Variants in TEF observed in about 807,000 individuals in gnomAD.
TEF encodes TEF transcription factor, PAR bZIP family member.
In TEF, 3 loss-of-function variants were observed where a neutral mutation model predicts 20.8. The ratio of observed to expected loss-of-function variants is 0.14; its 90% CI spans 0.07 to 0.37. TEF has a LOEUF of 0.37. TEF is among the 10% of genes least tolerant of loss of function. TEF has a pLI of 1.00. For synonymous variants in TEF, 180 were observed against 171.1 expected (o/e 1.05, Z -0.41); for missense variants, 296 against 397.9 (o/e 0.74, Z 2.18).
rs192279692 is a variant in TEF, at chr22:41,389,397, T to C, written c.475+1729T>C. Among the ~76,000 whole-genome samples the C allele has an allele frequency of 7.1e-3, 1,066 of 150,072 alleles. 3 individuals carry two copies. Among genetic ancestry groups the C allele is most frequent in the Non-Finnish European group, 0.012 (841 of 67,668 alleles). On this transcript the variant is annotated intron_variant, in intron 2 of 3. Transcript: ENST00000266304. ...GCCTGGGCGACAGAGCAAGACTCCA[T>C]CTCAAAGAAAAAAAAAGATCGAGAC...
At position 41,398,456 on chromosome 22, in the gene TEF, TC is replaced by T. The variant is rs2037256253; in HGVS notation, c.*2498del. The stretch of plus-strand genomic sequence containing the variant: ...GATGGGCTTGGAAGTGCCGTCTACT[TC>T]CTAAGCATCCTGTCTAAAGCTTTGT... On this transcript the variant is annotated 3_prime_UTR_variant, in exon 4 of 4. Coordinates refer to ENST00000266304, the MANE Select transcript of TEF (RefSeq NM_003216.4). 1 of 153,738 alleles carries T rather than the reference TC, an allele frequency of 6.5e-6. No homozygotes were observed. The highest frequency in any genetic ancestry group is 1.5e-5 in the Non-Finnish European group (1 of 68,040). The allele number at this position is 153,738 out of a possible 1,614,324, so 9.5% of individuals were successfully genotyped here.
At chr22:41,380,190 C>T (rs562965152), upstream of TEF, among the ~76,000 whole-genome samples, 3 of 152,280 alleles carry the variant, frequency 2.0e-5, no homozygotes, top group Non-Finnish European at 2.9e-5. Context: ...CTCCCTCTGT[C>T]GCCCAGGCTT....
At position 41,396,548 on chromosome 22, in the gene TEF, A is replaced by ATGGGGCT. The variant is rs60291178; in HGVS notation, c.*596_*602dup. 0.014 allele frequency: 2,449 copies of ATGGGGCT among 173,420 alleles called. 65 individuals carry two copies. The highest frequency in any genetic ancestry group is 0.053 in the African/African-American group (2,226 of 42,386). The allele number at this position is 173,420 out of a possible 1,614,324, so 10.7% of individuals were successfully genotyped here. A position where few individuals can be genotyped will look rare whatever the true frequency, so the allele number is the denominator to read the frequency against. On this transcript the variant is annotated 3_prime_UTR_variant, in exon 4 of 4. Transcript: ENST00000266304. The stretch of plus-strand genomic sequence containing the variant: ...GAGTGGGGTCTCTGCACAGCCTGGG[A>ATGGGGCT]TGGGGCTTGGGGCTGGGGCCTGCAG...
At chr22:41,373,767 C>CTTTTTTT (rs34394084) in intron 1 of TEF, among the ~76,000 whole-genome samples, 2 of 125,610 alleles carry the variant, frequency 1.6e-5, no homozygotes, top group Non-Finnish European at 1.7e-5. Context: ...CACGCCCGGA[C>CTTTTTTT]TTTTTTTTTT....
In TEF at chr22:41,396,036, C is replaced by T. The variant is rs745306513; in HGVS notation, c.*76C>T. ...TGGGGGCTCCCTGTAACCCCTCACA[C>T]GCGTGGAGACTTATGACTCGTCGTG... On this transcript the variant is annotated 3_prime_UTR_variant, in exon 4 of 4. Coordinates refer to ENST00000266304, the MANE Select transcript of TEF (RefSeq NM_003216.4). 1.8e-5 allele frequency: 27 copies of T among 1,477,178 alleles called. No homozygotes were observed. The highest frequency in any genetic ancestry group is 9.2e-5 in the East Asian group (4 of 43,464). 91.5% of individuals were successfully genotyped at this position (1,477,178 alleles called of 1,614,324 possible).
chr22:41,367,680 G>A (rs980868828), intron 1 of TEF: 7 of 1,405,040 alleles, frequency 5.0e-6, no homozygotes, highest in African/African-American at 1.4e-5. Flanking sequence ...ACAGTGGCAG[G>A]ACAGGCATCT....
chr22:41,394,138 A>T lies in TEF; in HGVS notation c.518A>T (p.Asp173Val), dbSNP rs1220153078. The T allele has an allele frequency of 6.2e-7, 1 of 1,613,334 alleles. No individual in the cohort carries two copies. Among genetic ancestry groups the T allele is most frequent in the Non-Finnish European group, 8.5e-7 (1 of 1,179,854 alleles). Reference protein sequence around the residue: ...EKERETPSPIDPNCVEVDVNF... With the variant: ...EKERETPSPIVPNCVEVDVNF... The stretch of plus-strand genomic sequence containing the variant: ...GAGAGGGAGACTCCCAGTCCCATCG[A>T]CCCCAATTGTGTGGAAGTGGATGTG... The change falls in exon 3 of 4, where the codon GAC becomes GTC. Residue 173 changes from aspartate to valine, a missense_variant. Asp to Val is a radical substitution (Grantham distance 152). Around this residue, in one of 2 missense-constraint regions of TEF, gnomAD observed 194 missense variants for 317.8 expected, o/e 0.61. Coordinates refer to ENST00000266304, the MANE Select transcript of TEF (RefSeq NM_003216.4).
intron 2 of TEF, among the ~76,000 whole-genome samples, chr22:41,391,027 C>T (rs2037158622): frequency 6.6e-6 from 1 of 152,084 alleles, no homozygotes; most frequent in Admixed American, 6.6e-5. Context: ...AGCTGCTTGT[C>T]TTGCAGGTAC....
intron 1 of TEF, among the ~76,000 whole-genome samples, chr22:41,371,711 C>T (rs1190441674): frequency 6.6e-6 from 1 of 152,192 alleles, no homozygotes; most frequent in Admixed American, 6.5e-5. Flanking sequence ...CCCTTCTTTC[C>T]ACCTTCCTTT....
rs561724817 is a variant in TEF, at chr22:41,370,195, A to G, written c.67+2596A>G. 11 of 698,210 alleles carry G rather than the reference A, an allele frequency of 1.6e-5. No individual in the cohort carries two copies. The East Asian group carries it at 1.5e-3, about 93-fold the overall frequency. 43.3% of individuals were successfully genotyped at this position (698,210 alleles called of 1,614,324 possible). On this transcript the variant is annotated intron_variant, in intron 1 of 3. Transcript: ENST00000406644. ...AGTGGTGCTATCTCGGCTCACTGCA[A>G]CCTCTGCCTCCTGGGTTCAAGCAAT...
At chr22:41,368,207 A>C (rs1192600422) in intron 1 of TEF, among the ~76,000 whole-genome samples, 2 of 152,084 alleles carry the variant, frequency 1.3e-5, no homozygotes, top group East Asian at 3.9e-4. Context: ...GGTGTCTCCC[A>C]AGTCCTGCCT....
In TEF at chr22:41,398,394, G is replaced by A. The variant is rs2037255801; in HGVS notation, c.*2434G>A. ...GACATCTGTCAGTCACTGGAGGCTA[G>A]AGAAGTTGACTTTACCTTGGCTTTC... On this transcript the variant is annotated 3_prime_UTR_variant, in exon 4 of 4. Coordinates refer to ENST00000266304, the MANE Select transcript of TEF (RefSeq NM_003216.4). 1 of 153,762 alleles carries A rather than the reference G, an allele frequency of 6.5e-6. No homozygotes were observed. The highest frequency in any genetic ancestry group is 1.5e-5 in the Non-Finnish European group (1 of 68,066). The allele number at this position is 153,762 out of a possible 1,614,324, so 9.5% of individuals were successfully genotyped here. A position where few individuals can be genotyped will look rare whatever the true frequency, so the allele number is the denominator to read the frequency against.
chr22:41,384,195 G>C (rs1569255626), intron 1 of TEF, among the ~76,000 whole-genome samples: 1 of 152,138 alleles, frequency 6.6e-6, no homozygotes, highest in Non-Finnish European at 1.5e-5. Flanking sequence ...TATAAATCCA[G>C]AGTTCAAAAT....
chr22:41,377,215 T>C (rs550405195), upstream of TEF: 1 of 152,334 alleles, frequency 6.6e-6, no homozygotes, highest in African/African-American at 2.4e-5. Flanking sequence ...ATGTCATCCT[T>C]GCACAGGGGA....
At chr22:41,383,123 A>G (rs1408038290) in intron 1 of TEF, 1 of 448,758 alleles carries the variant, frequency 2.2e-6, no homozygotes, top group South Asian at 1.6e-5. Context: ...TCAGTTATTC[A>G]GGGTTTGGGA....
At chr22:41,370,289 A>G (rs892955127) in intron 1 of TEF, among the ~76,000 whole-genome samples, 2 of 150,416 alleles carry the variant, frequency 1.3e-5, no homozygotes, top group Admixed American at 1.3e-4. Context: ...TAATTTTTGT[A>G]TTTTTAGTAC....
rs1044683459 is a variant in TEF at position 41,397,402 on chromosome 22, G to C, written c.*1442G>C. 8 of 301,232 alleles carry C rather than the reference G, an allele frequency of 2.7e-5. No individual in the cohort carries two copies. Among genetic ancestry groups the C allele is most frequent in the Middle Eastern group, 1.9e-3 (2 of 1,064 alleles). 18.7% of individuals were successfully genotyped at this position (301,232 alleles called of 1,614,324 possible). A position where few individuals can be genotyped will look rare whatever the true frequency, so the allele number is the denominator to read the frequency against. On this transcript the variant is annotated 3_prime_UTR_variant, in exon 4 of 4. Coordinates refer to ENST00000266304, the MANE Select transcript of TEF (RefSeq NM_003216.4). ...ACTGGGACACCCCTGAGATGGGTGT[G>C]TTTATTTGCTCAGGGCGGGCAGCCT...
rs2037236687 is a variant in TEF, at chr22:41,396,958, G to A, written c.*998G>A. 2.5e-6 allele frequency: 1 copy of A among 398,598 alleles called. No individual in the cohort carries two copies. Among genetic ancestry groups the A allele is most frequent in the Non-Finnish European group, 4.4e-6 (1 of 226,194 alleles). The allele number at this position is 398,598 out of a possible 1,614,324, so 24.7% of individuals were successfully genotyped here. On this transcript the variant is annotated 3_prime_UTR_variant, in exon 4 of 4. Coordinates refer to ENST00000266304, the MANE Select transcript of TEF (RefSeq NM_003216.4). Reference sequence around the variant, plus strand: ...CCTTCCACCATGGGCATGAGAGCTGGGGTGTGTTTCTTGAGAAGCTCCCTT... The same window carrying A: ...CCTTCCACCATGGGCATGAGAGCTGAGGTGTGTTTCTTGAGAAGCTCCCTT...
chr22:41,378,777 T>C (rs909205708), upstream of TEF, among the ~76,000 whole-genome samples: 9 of 152,098 alleles, frequency 5.9e-5, no homozygotes, highest in African/African-American at 2.2e-4. Flanking sequence ...CAGCCCTGTA[T>C]TGGTTTAATC....
Sources: allele counts gnomAD v4.1 joint callset (sites outside exome capture counted in the v4.1 genomes callset), GRCh38; gene constraint gnomAD v4.1.1; regional missense constraint gnomAD v4.1.1; transcripts MANE v1.5; gene names NCBI Gene and HGNC (gene_info 2026-07-23, HGNC 2026-07-21).